Variants in FBXW11 observed in about 807,000 individuals in gnomAD.
FBXW11 encodes F-box and WD repeat domain containing 11, also known as F-box/WD repeat-containing protein 11.
A neutral mutation model predicts 77.6 loss-of-function variants in FBXW11; 19 were observed. The ratio of observed to expected loss-of-function variants is 0.24; its 90% CI spans 0.17 to 0.36. FBXW11 has a LOEUF of 0.36. Ranked by LOEUF, FBXW11 falls within the 10% of genes least tolerant of loss-of-function variation. The pLI is 1.00. For missense variants in FBXW11, 334 were observed against 704.2 expected, an observed-to-expected ratio of 0.47 and a Z score of 5.95; for synonymous variants, 235 against 249.4, an observed-to-expected ratio of 0.94 and a Z score of 0.54.
intron 1 of FBXW11, among the ~76,000 whole-genome samples, chr5:171,961,512 G>T (rs1426112107): frequency 6.6e-6 from 1 of 152,144 alleles, no homozygotes; most frequent in Non-Finnish European, 1.5e-5. Flanking sequence ...GCCAAAACAA[G>T]GTAGGTTCCT....
chr5:171,965,924 C>A (rs538910273), intron 1 of FBXW11, among the ~76,000 whole-genome samples: 117 of 152,016 alleles, frequency 7.7e-4, no homozygotes, highest in Non-Finnish European at 1.4e-3. Flanking sequence ...GCTGTTCTCG[C>A]GATAGTGAGT....
chr5:171,988,991 A>G (rs1581083684), intron 1 of FBXW11, among the ~76,000 whole-genome samples: 1 of 152,180 alleles, frequency 6.6e-6, no homozygotes, highest in East Asian at 1.9e-4. Context: ...AGCCTGGCCA[A>G]CATGGCAAAA....
In FBXW11 at chr5:171,952,354, T is replaced by G. The variant is rs567007139; in HGVS notation, c.147+5243A>C. Among the ~76,000 whole-genome samples the G allele has an allele frequency of 1.0e-3, 143 of 141,172 alleles. No individual in the cohort carries two copies. In the South Asian group the frequency reaches 0.017, roughly 17 times the overall value. 92.6% of individuals were successfully genotyped at this position (141,172 alleles called of 152,430 possible). On this transcript the variant is annotated intron_variant, in intron 2 of 13. Coordinates refer to ENST00000517395, the MANE Select transcript of FBXW11 (RefSeq NM_001378974.1). ...TTTCTTATAAAGAGGAAAGATGTGGTTTTTTTTAACCATATATACATACAC... is the reference window on the plus strand; with the variant it reads ...TTTCTTATAAAGAGGAAAGATGTGGGTTTTTTTAACCATATATACATACAC...
chr5:171,906,919 T>A (rs564857871), intron 4 of FBXW11, among the ~76,000 whole-genome samples: 1 of 152,344 alleles, frequency 6.6e-6, no homozygotes, highest in Admixed American at 6.5e-5. Context: ...CATCCTTTCT[T>A]GGGGATAAGA....
intron 7 of FBXW11, 75 bp from the exon 8 acceptor site, chr5:171,878,204 G>T: frequency 2.0e-6 from 2 of 1,015,226 alleles, no homozygotes; most frequent in Non-Finnish European, 3.0e-6. Context: ...CCCACCTTAT[G>T]TTCTGATTAT....
intron 2 of FBXW11, among the ~76,000 whole-genome samples, chr5:171,951,847 G>A (rs905081164): frequency 6.6e-6 from 1 of 152,074 alleles, no homozygotes; most frequent in Non-Finnish European, 1.5e-5. Flanking sequence ...AAACTTTGAG[G>A]CATTTTAGGT....
At chr5:171,968,225 G>A (rs1056742473) in intron 1 of FBXW11, among the ~76,000 whole-genome samples, 2 of 152,120 alleles carry the variant, frequency 1.3e-5, no homozygotes, top group East Asian at 1.9e-4. Flanking sequence ...GGGAGGCCGA[G>A]GTGGGCGGAT....
At chr5:171,973,608 C>T (rs1202705825) in intron 1 of FBXW11, among the ~76,000 whole-genome samples, 1 of 152,198 alleles carries the variant, frequency 6.6e-6, no homozygotes, top group Non-Finnish European at 1.5e-5. Flanking sequence ...TGGATGAGAT[C>T]ATAGACCAGA....
intron 2 of FBXW11, among the ~76,000 whole-genome samples, chr5:171,937,991 A>C (rs1045261321): frequency 1.3e-5 from 2 of 152,192 alleles, no homozygotes; most frequent in Non-Finnish European, 2.9e-5. Context: ...ATCCCTAAAA[A>C]TTTCTTTAAA....
chr5:171,876,096 A>T lies in FBXW11; in HGVS notation c.1221+189T>A, dbSNP rs1367064201. ...AACAGAAGACTGTTCTCTCTTCTGG[A>T]CCGATGGCTTTTCCTCCTACCTTGC... On this transcript the variant is annotated intron_variant, in intron 9 of 13. Coordinates refer to ENST00000517395, the MANE Select transcript of FBXW11 (RefSeq NM_001378974.1). This position sits in a 1 kb window ranked among gnomAD's most constrained non-coding sequence, Gnocchi z 4.2. 6.6e-6 allele frequency among the ~76,000 whole-genome samples: 1 copy of T among 152,200 alleles called. No individual in the cohort carries two copies. Among genetic ancestry groups the T allele is most frequent in the African/African-American group, 2.4e-5 (1 of 41,444 alleles).
At chr5:171,938,085 T>A (rs1762567584) in intron 2 of FBXW11, among the ~76,000 whole-genome samples, 1 of 152,188 alleles carries the variant, frequency 6.6e-6, no homozygotes, top group South Asian at 2.1e-4. Flanking sequence ...TTTGAGACAG[T>A]CTCACTCTGT....
intron 12 of FBXW11, 138 bp from the exon 13 acceptor site, chr5:171,868,934 T>C (rs558384119): frequency 6.0e-6 from 4 of 667,024 alleles, no homozygotes; most frequent in East Asian, 3.0e-5. Flanking sequence ...CACTGAACTG[T>C]GTCCTTCATC....
intron 1 of FBXW11, among the ~76,000 whole-genome samples, chr5:171,967,868 A>ATATATGTATATATATATG (rs1764288397): frequency 7.7e-5 from 1 of 13,028 alleles, no homozygotes; most frequent in African/African-American, 1.2e-4. Context: ...ATATATATAT[A>ATATATGTATATATATATG]TATATATATA....
Position 171,905,253 on chromosome 5 carries a change from T to C in FBXW11, c.437-5153A>G, listed in dbSNP as rs938777627. 3.9e-5 allele frequency among the ~76,000 whole-genome samples: 6 copies of C among 152,316 alleles called. No homozygotes were observed. The East Asian group carries it at 1.2e-3, about 29-fold the overall frequency. ...AGTTGTGTGACCTTAAGCAGATCAG[T>C]TTTCCTTTTAGGATCTCAGTCTTCC... On this transcript the variant is annotated intron_variant, in intron 4 of 13. Coordinates refer to ENST00000517395, the MANE Select transcript of FBXW11 (RefSeq NM_001378974.1).
intron 7 of FBXW11, among the ~76,000 whole-genome samples, chr5:171,883,089 T>C (rs1758633602): frequency 6.6e-6 from 1 of 152,194 alleles, no homozygotes; most frequent in Non-Finnish European, 1.5e-5. Flanking sequence ...TCCAATCTCA[T>C]CCAAGTCACC....
At chr5:171,968,195 G>A (rs895156038) in intron 1 of FBXW11, among the ~76,000 whole-genome samples, 1 of 151,956 alleles carries the variant, frequency 6.6e-6, no homozygotes, top group Admixed American at 6.6e-5. Flanking sequence ...AGTGGCTCAC[G>A]CCTGTAATCC....
rs79704456 is a variant in FBXW11 at position 171,888,805 on chromosome 5, C to T, written c.852+2662G>A. ...CTATACTCCACAGGATAAAGATAAA[C>T]GTGCTTGAGGTAAATAAAAAAGAGA... On this transcript the variant is annotated intron_variant, in intron 7 of 13. Transcript: ENST00000517395. Among the ~76,000 whole-genome samples, 1,174 of 152,162 alleles carry T rather than the reference C, an allele frequency of 7.7e-3. 19 individuals are homozygous for T. The highest frequency in any genetic ancestry group is 0.026 in the African/African-American group (1,085 of 41,496).
intron 2 of FBXW11, among the ~76,000 whole-genome samples, chr5:171,923,482 G>A (rs1004411787): frequency 3.3e-5 from 5 of 152,056 alleles, no homozygotes; most frequent in East Asian, 1.9e-4. Context: ...ACGTCATAAA[G>A]ATATTCTTCC....
intron 1 of FBXW11, among the ~76,000 whole-genome samples, chr5:171,973,838 T>A (rs1764666203): frequency 6.6e-6 from 1 of 152,158 alleles, no homozygotes; most frequent in African/African-American, 2.4e-5. Flanking sequence ...AAAACTGTTC[T>A]AAAAATAGAC....
Sources: gnomAD v4.1 joint callset for allele counts (sites outside exome capture counted in the v4.1 genomes callset) on GRCh38, gnomAD v4.1.1 for gene constraint, Gnocchi (gnomAD v3.1) non-coding constraint, MANE v1.5 for transcripts, NCBI Gene and HGNC (gene_info 2026-07-23, HGNC 2026-07-21) for gene names.